Variants in ARAP1 observed in about 807,000 individuals in gnomAD.
The protein encoded by ARAP1 is arf-GAP with Rho-GAP domain, ANK repeat and PH domain-containing protein 1.
In ARAP1, 76 loss-of-function variants were observed where a neutral mutation model predicts 172.2. The observed-to-expected ratio is 0.44, with a 90% CI of 0.37 to 0.53. The LOEUF is 0.53. Ranked by LOEUF, ARAP1 falls within the 20% of genes least tolerant of loss-of-function variation. ARAP1 has a pLI of 0.00. For synonymous variants in ARAP1, 804 were observed against 803.3 expected (o/e 1.00, Z -0.01); for missense variants, 1,686 against 1,977.5 (o/e 0.85, Z 2.80).
rs1394988679 is a variant in ARAP1 at position 72,697,408 on chromosome 11, C to T, written c.2868G>A (p.Met956Ile). ...GCTGCTGCTCCGACAGCGTGTCCCC[C>T]ATGCTGGCGGCTGCTTTCTGGATGG... is the stretch of plus-strand genomic sequence containing the variant. ...LGAIQKAAAS[M>I]GDTLSEQQLG... Residue 956 changes from methionine to isoleucine, a missense_variant, in exon 21 of 35, where the codon ATG (methionine) becomes ATA (isoleucine). Physicochemically the swap from Met to Ile is conservative, Grantham distance 10. This residue lies in a region of ARAP1 where 274 missense variants were observed against 262.7 expected (regional missense o/e 1.04). Coordinates refer to ENST00000393609, the MANE Select transcript of ARAP1 (RefSeq NM_001040118.3). The T allele has an allele frequency of 6.2e-7, 1 of 1,612,242 alleles. No individual in the cohort carries two copies. Among genetic ancestry groups the T allele is most frequent in the East Asian group, 2.2e-5 (1 of 44,778 alleles).
intron 22 of ARAP1, 99 bp downstream of exon 22, chr11:72,696,884 G>C: frequency 1.5e-6 from 2 of 1,293,120 alleles, no homozygotes; most frequent in South Asian, 2.8e-5. Flanking sequence ...GAGCCTGTGG[G>C]TTAGGGTAAG....
intron 1 of ARAP1, among the ~76,000 whole-genome samples, chr11:72,739,752 C>T (rs567148338): frequency 1.3e-5 from 2 of 152,304 alleles, no homozygotes; most frequent in East Asian, 3.9e-4. Context: ...CACTTCCTGT[C>T]CCTAGCCCTA....
intron 30 of ARAP1, among the ~76,000 whole-genome samples, chr11:72,689,705 A>T (rs1284724405): frequency 1.3e-5 from 2 of 152,192 alleles, no homozygotes; most frequent in East Asian, 3.8e-4. Context: ...TTTTACCCCG[A>T]TACCTGCTGA....
intron 30 of ARAP1, among the ~76,000 whole-genome samples, chr11:72,690,359 G>A (rs1855887593): frequency 6.6e-6 from 1 of 152,178 alleles, no homozygotes. Flanking sequence ...GGCTGAGTCA[G>A]AAAGTCTGCA....
chr11:72,712,554 C>T lies in ARAP1; in HGVS notation c.762G>A (p.Pro254=), dbSNP rs775665816. Residue 254 remains proline, a synonymous_variant, in exon 6 of 35, where the codon CCG becomes CCA. Transcript: ENST00000393609. ...RVMTKKEEPP[P]SRVPRAVRVA... Reference sequence around the variant, plus strand: ...CGCGCACGGCCCGTGGGACTCGGCTCGGTGGGGGCTCCTCCTGCCCCCGAG... The same window carrying T: ...CGCGCACGGCCCGTGGGACTCGGCTTGGTGGGGGCTCCTCCTGCCCCCGAG... The T allele has an allele frequency of 3.5e-5, 56 of 1,612,988 alleles. No homozygotes were observed. The South Asian group carries it at 3.5e-4, about 10-fold the overall frequency.
intron 13 of ARAP1, 25 bp downstream of exon 13, chr11:72,705,780 C>T (rs752419511): frequency 2.7e-5 from 43 of 1,612,786 alleles, no homozygotes; most frequent in Non-Finnish European, 3.3e-5. Context: ...CCCCAAGTAT[C>T]GGTGGCAAGC....
chr11:72,729,210 T>C (rs1407016073), intron 2 of ARAP1, among the ~76,000 whole-genome samples: 1 of 152,208 alleles, frequency 6.6e-6, no homozygotes, highest in Non-Finnish European at 1.5e-5. Flanking sequence ...GGGACAGCTG[T>C]GGAGTGCTCT....
At chr11:72,705,339 G>A (rs1441139602) in intron 13 of ARAP1, 3 of 161,162 alleles carry the variant, frequency 1.9e-5, no homozygotes, top group South Asian at 1.6e-4. Context: ...AAGGCCCTGG[G>A]TCAGCCAGAA....
Position 72,687,677 on chromosome 11 carries a change from C to T in ARAP1, c.4121+11G>A, listed in dbSNP as rs768666873. ...CTCAGCCTGGGATCTCAGGATGAGGCGCTCACTCACCACTGCTGCTTCTCA... is the reference window on the plus strand; with the variant it reads ...CTCAGCCTGGGATCTCAGGATGAGGTGCTCACTCACCACTGCTGCTTCTCA... On this transcript the variant is annotated intron_variant, in intron 32 of 34. Transcript: ENST00000393609. 7.0e-5 allele frequency: 113 copies of T among 1,614,044 alleles called. No homozygotes were observed. Among genetic ancestry groups the T allele is most frequent in the East Asian group, 1.8e-4 (8 of 44,900 alleles).
intron 11 of ARAP1, 171 bp downstream of exon 11, chr11:72,709,699 A>C: frequency 2.2e-4 from 147 of 674,258 alleles, no homozygotes; most frequent in East Asian, 5.0e-4. Context: ...TCAGGAGGGA[A>C]GGAGATCAGA....
chr11:72,727,471 C>T (rs758817120), intron 2 of ARAP1, among the ~76,000 whole-genome samples: 7 of 152,250 alleles, frequency 4.6e-5, no homozygotes, highest in Non-Finnish European at 7.3e-5. Flanking sequence ...CCCCAACACA[C>T]AGCCTTGGCC....
chr11:72,711,571 C>A, intron 7 of ARAP1, 72 bp from the exon 8 acceptor site: 1 of 1,301,060 alleles, frequency 7.7e-7, no homozygotes. Flanking sequence ...CCCCAGCCCT[C>A]AGAAGCCACA....
chr11:72,704,428 T>C, intron 13 of ARAP1, 94 bp from the exon 14 acceptor site: 7 of 1,349,162 alleles, frequency 5.2e-6, no homozygotes, highest in Non-Finnish European at 6.9e-6. Context: ...GGAAAGGGGC[T>C]GGGAGAGCCA....
chr11:72,721,515 A>C (rs1304899138), intron 3 of ARAP1, among the ~76,000 whole-genome samples: 4 of 152,272 alleles, frequency 2.6e-5, no homozygotes, highest in African/African-American at 9.6e-5. Flanking sequence ...AGAACCCCAA[A>C]GAGGAGTATT....
At position 72,685,338 on chromosome 11, in the gene ARAP1, G is replaced by T. The variant is rs1199068891; in HGVS notation, c.*326C>A. The T allele has an allele frequency of 2.4e-6, 1 of 409,664 alleles. No individual in the cohort carries two copies. The allele number at this position is 409,664 out of a possible 1,614,324, so 25.4% of individuals were successfully genotyped here. ...CAGGGCCCCAGGGCCTCACGCCTCT[G>T]AAAGGGTGGTGGTCCTCCCAAGTTC... On this transcript the variant is annotated 3_prime_UTR_variant, in exon 35 of 35. Transcript: ENST00000393609.
In ARAP1 at chr11:72,704,169, G is replaced by C. The variant is rs368075274; in HGVS notation, c.1975C>G (p.Gln659Glu). 1 of 1,614,146 alleles carries C rather than the reference G, an allele frequency of 6.2e-7. No homozygotes were observed. Among genetic ancestry groups the C allele is most frequent in the South Asian group, 1.1e-5 (1 of 91,084 alleles). The change falls in exon 14 of 35, where the codon CAG becomes GAG. Residue 659 changes from glutamine (Q) to glutamate (E), a missense_variant. Coordinates refer to ENST00000393609, the MANE Select transcript of ARAP1 (RefSeq NM_001040118.3). ...GCCCTGACCTTGTCCAGCTCCTCCT[G>C]GTTGCCAAAGAGCGGGTGGTAGCGG... ...YRRYHPLFGN[Q>E]EELDKALCAA... is the part of the protein sequence containing the mutation.
At position 72,726,230 on chromosome 11, in the gene ARAP1, G is replaced by C. The variant is rs1857685309; in HGVS notation, c.509+390C>G. On this transcript the variant is annotated intron_variant, in intron 3 of 34. Coordinates refer to ENST00000393609, the MANE Select transcript of ARAP1 (RefSeq NM_001040118.3). This position sits in a 1 kb window ranked among gnomAD's most constrained non-coding sequence, Gnocchi z 6.5. ...CAGCTTTCCGTTTCCTACACATGTT[G>C]CCTCTTGATGCCGGCATGGACCCCG... Among the ~76,000 whole-genome samples the C allele has an allele frequency of 6.6e-6, 1 of 151,870 alleles. No homozygotes were observed. The highest frequency in any genetic ancestry group is 2.4e-5 in the African/African-American group (1 of 41,332).
In ARAP1 at chr11:72,704,183, G is replaced by A. The variant is rs372288555; in HGVS notation, c.1961C>T (p.Pro654Leu). 4.0e-5 allele frequency: 65 copies of A among 1,614,026 alleles called. No individual in the cohort carries two copies. The highest frequency in any genetic ancestry group is 3.5e-4 in the African/African-American group (26 of 74,942). ...YREGKYRRYHPLFGNQEELDK... is the reference protein window; with the variant it reads ...YREGKYRRYHLLFGNQEELDK... ...CAGCTCCTCCTGGTTGCCAAAGAGC[G>A]GGTGGTAGCGGCGGTACTTGCCCTC... is the stretch of plus-strand genomic sequence containing the variant. Residue 654 changes from proline to leucine, a missense_variant, in exon 14 of 35, where the codon CCG (proline) becomes CTG (leucine). Transcript: ENST00000393609.
intron 11 of ARAP1, among the ~76,000 whole-genome samples, 196 bp downstream of exon 11, chr11:72,709,674 G>A (rs1321877114): frequency 6.6e-6 from 1 of 152,060 alleles, no homozygotes; most frequent in African/African-American, 2.4e-5. Context: ...GCAGCACAGG[G>A]GAGAGTAAGA....
Sources: gnomAD v4.1 joint callset for allele counts (sites outside exome capture counted in the v4.1 genomes callset) on GRCh38, gnomAD v4.1.1 for gene constraint, gnomAD v4.1.1 regional missense constraint, Gnocchi (gnomAD v3.1) non-coding constraint, MANE v1.5 for transcripts, NCBI Gene and HGNC (gene_info 2026-07-23, HGNC 2026-07-21) for gene names.